The following PCDHGA12 variants were observed in gnomAD, a reference collection of about 807,000 sequenced individuals.
PCDHGA12 encodes the protein protocadherin gamma subfamily A, 12.
Under a neutral mutation model 61.1 loss-of-function variants are expected in PCDHGA12, and 43 were observed. The ratio of observed to expected loss-of-function variants is 0.70; its 90% CI spans 0.55 to 0.91. The LOEUF is 0.91. PCDHGA12 is among the 40% of genes least tolerant of loss of function. The pLI, the probability that PCDHGA12 is intolerant of heterozygous loss-of-function variation, is 0.00. For synonymous variants in PCDHGA12, 520 were observed against 542.9 expected (o/e 0.96, Z 0.59); for missense variants, 1,236 against 1,227.7 (o/e 1.01, Z -0.10).
intron 1 of PCDHGA12, among the ~76,000 whole-genome samples, chr5:141,484,122 T>C (rs1343894991): frequency 6.6e-6 from 1 of 152,180 alleles, no homozygotes; most frequent in African/African-American, 2.4e-5. Context: ...CAAGAATACC[T>C]TGGTGTCAGA....
chr5:141,436,859 A>T (rs550974791), intron 1 of PCDHGA12, among the ~76,000 whole-genome samples: 1 of 152,250 alleles, frequency 6.6e-6, no homozygotes, highest in Non-Finnish European at 1.5e-5. Flanking sequence ...TTGAGAAGCC[A>T]CAGTTTTAGG....
chr5:141,473,186 T>C (rs984810414), intron 1 of PCDHGA12, among the ~76,000 whole-genome samples: 1 of 152,134 alleles, frequency 6.6e-6, no homozygotes, highest in African/African-American at 2.4e-5. Flanking sequence ...CTTGAAGGAG[T>C]AAATGTATCT....
At chr5:141,500,190 TTA>T (rs551092091) in intron 2 of PCDHGA12, among the ~76,000 whole-genome samples, 3 of 110,960 alleles carry the variant, frequency 2.7e-5, no homozygotes, top group Non-Finnish European at 3.9e-5. Context: ...TTATTTTTAT[TTA>T]TTTATTTATT....
chr5:141,490,644 T>C lies in PCDHGA12; in HGVS notation c.2425-4163T>C. The C allele has an allele frequency of 6.2e-7, 1 of 1,614,188 alleles. No homozygotes were observed. Among genetic ancestry groups the C allele is most frequent in the Non-Finnish European group, 8.5e-7 (1 of 1,180,016 alleles). On this transcript the variant is annotated intron_variant, in intron 1 of 3. Coordinates refer to ENST00000252085, the MANE Select transcript of PCDHGA12 (RefSeq NM_003735.3). The surrounding 1 kb of genome is among the most constrained non-coding windows in gnomAD (Gnocchi z 5.4). Reference sequence around the variant, plus strand: ...CTGCTTACATCCTAGAAAACCGGCCTCCGGGCTCCCTTCTTTGCACTGTGG... The same window carrying C: ...CTGCTTACATCCTAGAAAACCGGCCCCCGGGCTCCCTTCTTTGCACTGTGG...
chr5:141,502,866 C>CTT (rs549047197), intron 2 of PCDHGA12, among the ~76,000 whole-genome samples: 3 of 128,046 alleles, frequency 2.3e-5, no homozygotes, highest in Non-Finnish European at 3.2e-5. Flanking sequence ...GACTCTCTGT[C>CTT]TTTTTTTTTT....
intron 1 of PCDHGA12, among the ~76,000 whole-genome samples, chr5:141,448,169 A>C (rs1418273084): frequency 6.6e-6 from 1 of 152,014 alleles, no homozygotes; most frequent in Non-Finnish European, 1.5e-5. Flanking sequence ...GATCACTACT[A>C]TTCATCCCTG....
In PCDHGA12 at chr5:141,463,438, C is replaced by CTTT. The variant is rs71576115; in HGVS notation, c.2424+30281_2424+30283dup. ...GTTTGCGGATCCTCATTTCCTTCTC[C>CTTT]TTTTTTTTTTTTTTTTTTTTTTTTT... On this transcript the variant is annotated intron_variant, in intron 1 of 3. Coordinates refer to ENST00000252085, the MANE Select transcript of PCDHGA12 (RefSeq NM_003735.3). 5.0e-3 allele frequency among the ~76,000 whole-genome samples: 517 copies of CTTT among 103,248 alleles called. 61 individuals are homozygous for CTTT. The highest frequency in any genetic ancestry group is 0.017 in the African/African-American group (381 of 22,398). The allele number at this position is 103,248 out of a possible 152,430, so 67.7% of individuals were successfully genotyped here.
Position 141,431,051 on chromosome 5 carries a change from G to C in PCDHGA12, c.292G>C (p.Gly98Arg), listed in dbSNP as rs1280440001. Residue 98 changes from glycine to arginine, a missense_variant, in exon 1 of 4, where the codon GGG (glycine) becomes CGG (arginine). Gly to Arg is a moderately radical substitution (Grantham distance 125). Coordinates refer to ENST00000252085, the MANE Select transcript of PCDHGA12 (RefSeq NM_003735.3). This position sits in a 1 kb window ranked among gnomAD's most constrained non-coding sequence, Gnocchi z 4.8. ...GRIDREELCM[G>R]AIKCQLNLDI... is the part of the protein sequence containing the mutation. ...GATAGACCGGGAGGAGCTCTGTATGGGGGCCATCAAGTGTCAATTAAATCT... is the reference window on the plus strand; with the variant it reads ...GATAGACCGGGAGGAGCTCTGTATGCGGGCCATCAAGTGTCAATTAAATCT... 3 of 1,614,218 alleles carry C rather than the reference G, an allele frequency of 1.9e-6. No homozygotes were observed. Among genetic ancestry groups the C allele is most frequent in the East Asian group, 2.2e-5 (1 of 44,886 alleles).
intron 1 of PCDHGA12, among the ~76,000 whole-genome samples, chr5:141,474,970 A>C (rs1309289477): frequency 6.6e-6 from 1 of 152,212 alleles, no homozygotes; most frequent in Admixed American, 6.5e-5. Context: ...TAATCATTAT[A>C]ATTTTGTTTG....
intron 2 of PCDHGA12, among the ~76,000 whole-genome samples, chr5:141,500,901 G>A (rs984072329): frequency 7.6e-5 from 11 of 144,582 alleles, no homozygotes; most frequent in African/African-American, 2.6e-4. Flanking sequence ...AGACAGTCTC[G>A]CTCTGTCTCC....
intron 1 of PCDHGA12, among the ~76,000 whole-genome samples, chr5:141,483,373 G>A (rs1410856257): frequency 6.6e-6 from 1 of 152,166 alleles, no homozygotes; most frequent in Admixed American, 6.5e-5. Flanking sequence ...TGCAATATTT[G>A]AAGAGAAGAT....
intron 2 of PCDHGA12, 141 bp downstream of exon 2, chr5:141,495,006 G>A (rs1030195663): frequency 1.3e-6 from 2 of 1,521,564 alleles, no homozygotes; most frequent in Non-Finnish European, 1.8e-6. Flanking sequence ...CTTGGTGTGC[G>A]GGGGGCTGGC....
In PCDHGA12 at chr5:141,486,329, A is replaced by C. The variant is rs1045072240; in HGVS notation, c.2425-8478A>C. 1.2e-6 allele frequency: 2 copies of C among 1,613,882 alleles called. No individual in the cohort carries two copies. Among genetic ancestry groups the C allele is most frequent in the African/African-American group, 2.7e-5 (2 of 74,866 alleles). ...AGACTCAGGGTCAAACGGAGATGTG[A>C]GCCTCCGCATTCCTGACCACTTGCC... On this transcript the variant is annotated intron_variant, in intron 1 of 3. Transcript: ENST00000252085. The surrounding 1 kb of genome is among the most constrained non-coding windows in gnomAD (Gnocchi z 5.0).
Position 141,492,023 on chromosome 5 carries a change from C to G in PCDHGA12, c.2425-2784C>G, listed in dbSNP as rs536734764. 1.8e-4 allele frequency: 102 copies of G among 564,804 alleles called. 3 individuals carry two copies. In the South Asian group the frequency reaches 2.8e-3, roughly 15 times the overall value. The allele number at this position is 564,804 out of a possible 1,614,324, so 35.0% of individuals were successfully genotyped here. A position where few individuals can be genotyped will look rare whatever the true frequency, so the allele number is the denominator to read the frequency against. On this transcript the variant is annotated intron_variant, in intron 1 of 3. Coordinates refer to ENST00000252085, the MANE Select transcript of PCDHGA12 (RefSeq NM_003735.3). Reference sequence around the variant, plus strand: ...CGATTTCCGCGGGTGTCGGGGGTCCCGGGAGGAGGCAGTCACAGATCCACC... The same window carrying G: ...CGATTTCCGCGGGTGTCGGGGGTCCGGGGAGGAGGCAGTCACAGATCCACC...
chr5:141,469,762 A>G (rs547099941), intron 1 of PCDHGA12, among the ~76,000 whole-genome samples: 15 of 152,360 alleles, frequency 9.8e-5, no homozygotes, highest in African/African-American at 3.4e-4. Flanking sequence ...ATACATATAT[A>G]CCAGCTTATT....
rs2099085120 is a variant in PCDHGA12, at chr5:141,464,455, T to C, written c.2425-30352T>C. Among the ~76,000 whole-genome samples, 2 of 151,794 alleles carry C rather than the reference T, an allele frequency of 1.3e-5. 1 individual carries two copies. Among genetic ancestry groups the C allele is most frequent in the Non-Finnish European group, 2.9e-5 (2 of 67,958 alleles). On this transcript the variant is annotated intron_variant, in intron 1 of 3. Coordinates refer to ENST00000252085, the MANE Select transcript of PCDHGA12 (RefSeq NM_003735.3). ...TATATGTTTGTTGTTGTTGTTGTTA[T>C]TTTTGAAGTATGTACGTATAATAAA...
Position 141,432,608 on chromosome 5 carries a change from T to G in PCDHGA12, c.1849T>G (p.Phe617Val). ...GCTCAAGGCCAGCGAGCCGGGACTC[T>G]TCTCGGTGGGTCTGCACACGGGCGA... ...RLLKASEPGL[F>V]SVGLHTGEVR... Residue 617 changes from phenylalanine (F) to valine (V), a missense_variant, in exon 1 of 4, where the codon TTC becomes GTC. By Grantham distance (50) the Phe-to-Val change is conservative. Transcript: ENST00000252085. This position sits in a 1 kb window ranked among gnomAD's most constrained non-coding sequence, Gnocchi z 6.0. The G allele has an allele frequency of 6.2e-7, 1 of 1,613,864 alleles. No individual in the cohort carries two copies. The highest frequency in any genetic ancestry group is 8.5e-7 in the Non-Finnish European group (1 of 1,179,964).
chr5:141,505,570 C>A, intron 3 of PCDHGA12, 89 bp downstream of exon 3: 1 of 1,598,160 alleles, frequency 6.3e-7, no homozygotes, highest in South Asian at 1.1e-5. Context: ...GACTGGATGT[C>A]AAACCTGTGT....
chr5:141,505,832 T>G (rs1006398435), intron 3 of PCDHGA12, among the ~76,000 whole-genome samples: 1 of 152,188 alleles, frequency 6.6e-6, no homozygotes, highest in African/African-American at 2.4e-5. Flanking sequence ...AAACCTCAGT[T>G]TCCTCAGCCT....
Sources: gnomAD v4.1 joint callset for allele counts (sites outside exome capture counted in the v4.1 genomes callset) on GRCh38, gnomAD v4.1.1 for gene constraint, Gnocchi (gnomAD v3.1) non-coding constraint, MANE v1.5 for transcripts, NCBI Gene and HGNC (gene_info 2026-07-23, HGNC 2026-07-21) for gene names.